KMT2E: variants seen among roughly 807,000 people sequenced by gnomAD.
KMT2E encodes the protein histone reader KMT2E.
Under a neutral mutation model 184.6 loss-of-function variants are expected in KMT2E, and 30 were observed. The observed-to-expected ratio is 0.16, with a 90% CI of 0.12 to 0.22. KMT2E has a LOEUF of 0.22. Ranked by LOEUF, KMT2E falls within the 10% of genes least tolerant of loss-of-function variation. The pLI is 1.00. For missense variants in KMT2E, 2,023 were observed against 2,237.4 expected, an observed-to-expected ratio of 0.90 and a Z score of 1.93; for synonymous variants, 815 against 776.5, an observed-to-expected ratio of 1.05 and a Z score of -0.82.
intron 3 of KMT2E, among the ~76,000 whole-genome samples, chr7:105,051,198 T>G (rs1288286236): frequency 2.0e-5 from 3 of 151,152 alleles, no homozygotes; most frequent in African/African-American, 7.3e-5. Flanking sequence ...CCTTCCTTCC[T>G]TTTTTAGATG....
chr7:105,049,259 A>G (rs370165096), intron 3 of KMT2E, among the ~76,000 whole-genome samples: 74 of 152,052 alleles, frequency 4.9e-4, no homozygotes, highest in Middle Eastern at 6.8e-3. Context: ...GGCCTTGGCA[A>G]CATGATGAAA....
intron 3 of KMT2E, among the ~76,000 whole-genome samples, chr7:105,058,570 C>G (rs1160502146): frequency 6.6e-6 from 1 of 152,152 alleles, no homozygotes; most frequent in Non-Finnish European, 1.5e-5. Context: ...AGAGAATATA[C>G]TTACATTTTA....
chr7:105,023,189 T>G (rs1324132737), intron 1 of KMT2E, among the ~76,000 whole-genome samples: 4 of 151,956 alleles, frequency 2.6e-5, no homozygotes, highest in South Asian at 4.2e-4. Context: ...ATCTTCCAAT[T>G]TTGATACTCC....
intron 3 of KMT2E, among the ~76,000 whole-genome samples, chr7:105,042,177 G>A (rs1795909537): frequency 6.6e-6 from 1 of 152,020 alleles, no homozygotes. Flanking sequence ...TTTTAGTAGA[G>A]ACAGGGTTTC....
In KMT2E at chr7:105,021,360, A is replaced by G. The variant is rs73718217; in HGVS notation, c.-189+6825A>G. 9.9e-3 allele frequency among the ~76,000 whole-genome samples: 1,512 copies of G among 152,330 alleles called. 16 individuals are homozygous for G. The highest frequency in any genetic ancestry group is 0.034 in the African/African-American group (1,433 of 41,576). On this transcript the variant is annotated intron_variant, in intron 1 of 26. Coordinates refer to ENST00000311117, the MANE Select transcript of KMT2E (RefSeq NM_182931.3). The stretch of plus-strand genomic sequence containing the variant: ...AGACAAAAGATGAATTTGAGTAGCT[A>G]TTATTTTCCTGGCACCACAGATGCA...
chr7:105,067,397 T>C (rs910232497), intron 6 of KMT2E, among the ~76,000 whole-genome samples: 19 of 152,226 alleles, frequency 1.2e-4, no homozygotes, highest in African/African-American at 3.9e-4. Context: ...AATTTTTTTT[T>C]CCACATTTCT....
chr7:105,107,256 G>T (rs751257427), intron 21 of KMT2E, 34 bp downstream of exon 21: 1 of 1,511,954 alleles, frequency 6.6e-7, no homozygotes, highest in Non-Finnish European at 9.0e-7. Flanking sequence ...TGAATTGGTA[G>T]TTTTTTTCCT....
chr7:105,108,827 A>T, intron 22 of KMT2E, 115 bp from the exon 23 acceptor site: 1 of 854,192 alleles, frequency 1.2e-6, no homozygotes, highest in Admixed American at 2.9e-5. Context: ...GAATCAATTA[A>T]AATAATTTTC....
At chr7:105,073,564 A>T in intron 6 of KMT2E, 55 bp from the exon 7 acceptor site, 3 of 1,105,206 alleles carry the variant, frequency 2.7e-6, no homozygotes, top group Non-Finnish European at 4.1e-6. Context: ...TATCACATTT[A>T]AGACAGATCT....
chr7:105,083,790 A>G (rs906592348), intron 13 of KMT2E, among the ~76,000 whole-genome samples: 1 of 151,966 alleles, frequency 6.6e-6, no homozygotes, highest in Non-Finnish European at 1.5e-5. Flanking sequence ...CTCCTCAGTG[A>G]TTTTCTTAAT....
Position 105,112,869 on chromosome 7 carries a change from G to C in KMT2E, c.5113G>C (p.Ala1705Pro). Residue 1705 changes from alanine (A) to proline (P), a missense_variant, in exon 27 of 27, where the codon GCA becomes CCA. By Grantham distance (27) the Ala-to-Pro change is conservative. This residue lies in a region of KMT2E where 1,108 missense variants were observed against 1,050.9 expected (regional missense o/e 1.05). Transcript: ENST00000311117. ...HPSTGLQGLQAQHQHVVNSAP... is the reference protein window; with the variant it reads ...HPSTGLQGLQPQHQHVVNSAP... Reference sequence around the variant, plus strand: ...ATCCACAGGACTCCAAGGTCTACAAGCACAACACCAGCATGTTGTAAATTC... The same window carrying C: ...ATCCACAGGACTCCAAGGTCTACAACCACAACACCAGCATGTTGTAAATTC... 7.4e-7 allele frequency: 1 copy of C among 1,351,038 alleles called. No homozygotes were observed. The highest frequency in any genetic ancestry group is 1.1e-5 in the South Asian group (1 of 87,628). 83.7% of individuals were successfully genotyped at this position (1,351,038 alleles called of 1,614,324 possible). A position where few individuals can be genotyped will look rare whatever the true frequency, so the allele number is the denominator to read the frequency against.
chr7:105,090,646 C>T (rs1798162376), intron 14 of KMT2E, among the ~76,000 whole-genome samples: 1 of 152,112 alleles, frequency 6.6e-6, no homozygotes, highest in East Asian at 1.9e-4. Context: ...ATTCTATAAG[C>T]ATGTCACAAT....
chr7:105,107,337 A>T (rs1554400791), intron 21 of KMT2E, 25 bp from the exon 22 acceptor site: 7 of 1,269,642 alleles, frequency 5.5e-6, no homozygotes, highest in East Asian at 5.5e-5. Context: ...TATTTGTGTA[A>T]TTTTTTTTTT....
At chr7:105,068,613 G>A (rs892314851) in intron 6 of KMT2E, among the ~76,000 whole-genome samples, 2 of 144,784 alleles carry the variant, frequency 1.4e-5, no homozygotes, top group African/African-American at 5.3e-5. Context: ...CACCATGCCT[G>A]ACTAGTTGTG....
chr7:105,050,069 CAT>C (rs1796266798), intron 3 of KMT2E, among the ~76,000 whole-genome samples: 1 of 152,150 alleles, frequency 6.6e-6, no homozygotes, highest in Non-Finnish European at 1.5e-5. Context: ...ATTCCTATCA[CAT>C]GTAAATATAA....
At chr7:105,049,404 A>G (rs1387435948) in intron 3 of KMT2E, among the ~76,000 whole-genome samples, 7 of 151,946 alleles carry the variant, frequency 4.6e-5, no homozygotes, top group Non-Finnish European at 1.0e-4. Context: ...AGATCACACC[A>G]CTACATTCTA....
intron 3 of KMT2E, among the ~76,000 whole-genome samples, chr7:105,051,479 C>CCCG (rs1796345012): frequency 6.6e-6 from 1 of 152,144 alleles, no homozygotes; most frequent in African/African-American, 2.4e-5. Flanking sequence ...GCCACTGCCC[C>CCCG]TGCATCATCT....
rs551229260 is a variant in KMT2E at position 105,044,436 on chromosome 7, G to A, written c.71+3413G>A. 2.2e-3 allele frequency among the ~76,000 whole-genome samples: 335 copies of A among 152,288 alleles called. 10 individuals carry two copies. The South Asian group carries it at 0.036, about 16-fold the overall frequency. On this transcript the variant is annotated intron_variant, in intron 3 of 26. Transcript: ENST00000311117. Reference sequence around the variant, plus strand: ...ATACCATGTTGACTTAGAATTAAGAGTTAGTTTATTTTACAGATATGGGCA... The same window carrying A: ...ATACCATGTTGACTTAGAATTAAGAATTAGTTTATTTTACAGATATGGGCA...
intron 23 of KMT2E, among the ~76,000 whole-genome samples, chr7:105,109,608 C>T (rs538483475): frequency 5.3e-5 from 8 of 152,302 alleles, no homozygotes; most frequent in African/African-American, 1.9e-4. Flanking sequence ...CAGGCAGCCA[C>T]ACTCACTTTG....
Sources: allele counts gnomAD v4.1 joint callset (sites outside exome capture counted in the v4.1 genomes callset), GRCh38; gene constraint gnomAD v4.1.1; regional missense constraint gnomAD v4.1.1; transcripts MANE v1.5; gene names NCBI Gene and HGNC (gene_info 2026-07-23, HGNC 2026-07-21).